The following ACOXL variants were observed in gnomAD, a reference collection of about 807,000 sequenced individuals.
The protein encoded by ACOXL is acyl-CoA oxidase like, also known as acyl-coenzyme A oxidase-like protein.
Under a neutral mutation model 71.9 loss-of-function variants are expected in ACOXL, and 70 were observed. The ratio of observed to expected loss-of-function variants is 0.97; its 90% CI spans 0.80 to 1.19. The LOEUF (loss-of-function observed/expected upper bound fraction) is 1.19, where lower values mean the gene tolerates loss of function less well. ACOXL is among the 50% of genes most tolerant of loss of function. The pLI is 0.00. For missense variants in ACOXL, 703 were observed against 736.3 expected (o/e 0.95, Z 0.52); for synonymous variants, 253 against 281.6 (o/e 0.90, Z 1.02).
chr2:110,935,540 C>T (rs1444022471), intron 12 of ACOXL, among the ~76,000 whole-genome samples: 4 of 152,174 alleles, frequency 2.6e-5, no homozygotes, highest in Admixed American at 2.6e-4. Flanking sequence ...CCGAGGACCA[C>T]CCAGCAGTGC....
intron 2 of ACOXL, among the ~76,000 whole-genome samples, chr2:110,771,858 C>T (rs1397278553): frequency 6.6e-6 from 1 of 152,196 alleles, no homozygotes; most frequent in Non-Finnish European, 1.5e-5. Flanking sequence ...TTTCCAGATG[C>T]AGAGACCTTC....
chr2:111,087,798 G>A (rs944750988), intron 16 of ACOXL, among the ~76,000 whole-genome samples: 12 of 152,262 alleles, frequency 7.9e-5, no homozygotes, highest in Middle Eastern at 3.4e-3. Context: ...TTAACAAATG[G>A]GATCTAATTA....
intron 1 of ACOXL, among the ~76,000 whole-genome samples, chr2:110,743,555 C>T (rs1444341376): frequency 6.6e-6 from 1 of 152,152 alleles, no homozygotes; most frequent in Non-Finnish European, 1.5e-5. Context: ...AGTTCAGAGA[C>T]TCAGGGAGGA....
chr2:111,077,752 T>C (rs2067673712), intron 16 of ACOXL, among the ~76,000 whole-genome samples: 1 of 152,230 alleles, frequency 6.6e-6, no homozygotes, highest in African/African-American at 2.4e-5. Flanking sequence ...TTCTGGTCTC[T>C]ACAGTTTCTG....
chr2:110,857,746 G>C (rs1693438776), intron 10 of ACOXL, among the ~76,000 whole-genome samples: 1 of 151,974 alleles, frequency 6.6e-6, no homozygotes, highest in Non-Finnish European at 1.5e-5. Flanking sequence ...GATTGATTGA[G>C]ACAGGGCCTG....
chr2:110,933,348 ACTAT>A (rs1165455420), intron 11 of ACOXL, 137 bp from the exon 12 acceptor site: 1 of 1,032,402 alleles, frequency 9.7e-7, no homozygotes, highest in Non-Finnish European at 1.4e-6. Flanking sequence ...TTTTTTAGTG[ACTAT>A]CTACAGTTTA....
intron 11 of ACOXL, among the ~76,000 whole-genome samples, chr2:110,916,579 A>T (rs1228975992): frequency 6.6e-6 from 1 of 152,210 alleles, no homozygotes; most frequent in Non-Finnish European, 1.5e-5. Context: ...ACTGAAGGAG[A>T]TACAGACACG....
At chr2:110,884,304 G>A (rs1697039305) in intron 10 of ACOXL, among the ~76,000 whole-genome samples, 1 of 152,202 alleles carries the variant, frequency 6.6e-6, no homozygotes, top group Non-Finnish European at 1.5e-5. Context: ...CTCTGAGTTC[G>A]TACTCCTCGT....
Position 110,992,509 on chromosome 2 carries a change from A to G in ACOXL, c.1170-3384A>G, listed in dbSNP as rs776349979. Among the ~76,000 whole-genome samples, 3 of 152,160 alleles carry G rather than the reference A, an allele frequency of 2.0e-5. No individual in the cohort carries two copies. In the South Asian group the frequency reaches 6.2e-4, roughly 32 times the overall value. Reference sequence around the variant, plus strand: ...CTTGAGCAGGTGGGGACCTGAGGAAAGATGGGCTGAGAACTTCCTGGTACC... The same window carrying G: ...CTTGAGCAGGTGGGGACCTGAGGAAGGATGGGCTGAGAACTTCCTGGTACC... On this transcript the variant is annotated intron_variant, in intron 13 of 17. Coordinates refer to ENST00000439055, the MANE Select transcript of ACOXL (RefSeq NM_001142807.4).
At chr2:110,743,223 A>G (rs1359128418) in intron 1 of ACOXL, among the ~76,000 whole-genome samples, 1 of 152,216 alleles carries the variant, frequency 6.6e-6, no homozygotes, top group South Asian at 2.1e-4. Context: ...TTCCAAACCT[A>G]TCAACTATGT....
chr2:111,005,889 G>T (rs1045364751), intron 14 of ACOXL, among the ~76,000 whole-genome samples: 3 of 152,144 alleles, frequency 2.0e-5, no homozygotes, highest in Non-Finnish European at 2.9e-5. Flanking sequence ...AGTGCTGGTC[G>T]GTTTGTACTG....
chr2:110,748,040 C>T (rs1678450606), intron 1 of ACOXL, among the ~76,000 whole-genome samples: 1 of 152,170 alleles, frequency 6.6e-6, no homozygotes, highest in African/African-American at 2.4e-5. Context: ...TTTTCTTCTG[C>T]AGAAAACAAC....
chr2:111,082,266 A>G (rs1307977489), intron 16 of ACOXL, among the ~76,000 whole-genome samples: 1 of 152,104 alleles, frequency 6.6e-6, no homozygotes, highest in Non-Finnish European at 1.5e-5. Flanking sequence ...TTTGCAACCT[A>G]TCCGTCTGAC....
At chr2:111,031,920 C>T (rs2065291315) in intron 15 of ACOXL, among the ~76,000 whole-genome samples, 1 of 152,214 alleles carries the variant, frequency 6.6e-6, no homozygotes, top group South Asian at 2.1e-4. Flanking sequence ...GACCATATGA[C>T]ACCCACAAAG....
chr2:110,748,857 G>C (rs1027491544), intron 1 of ACOXL, among the ~76,000 whole-genome samples: 8 of 152,172 alleles, frequency 5.3e-5, no homozygotes, highest in Non-Finnish European at 1.0e-4. Flanking sequence ...GTTGGTGTTG[G>C]ACATAAAGCA....
intron 17 of ACOXL, among the ~76,000 whole-genome samples, chr2:111,095,490 C>T (rs936685360): frequency 1.3e-5 from 2 of 149,410 alleles, no homozygotes; most frequent in Non-Finnish European, 3.0e-5. Flanking sequence ...CTCCCGGGCT[C>T]AAGTGATTCC....
rs1357343538 is a variant in ACOXL, at chr2:110,907,696, G to A, written c.789-1093G>A. Among the ~76,000 whole-genome samples the A allele has an allele frequency of 3.3e-5, 5 of 152,282 alleles. No individual in the cohort carries two copies. The East Asian group carries it at 5.8e-4, about 18-fold the overall frequency. On this transcript the variant is annotated intron_variant, in intron 10 of 17. Coordinates refer to ENST00000439055, the MANE Select transcript of ACOXL (RefSeq NM_001142807.4). ...GGTGCTTGCACGCGGCCTTCCTTGT[G>A]TGTGCTTATCATTTGTCCTCACCAC...
intron 16 of ACOXL, among the ~76,000 whole-genome samples, chr2:111,073,474 C>T (rs1482078517): frequency 6.6e-6 from 1 of 152,046 alleles, no homozygotes; most frequent in Non-Finnish European, 1.5e-5. Flanking sequence ...TATCTTTTGA[C>T]TATTGTGATA....
intron 10 of ACOXL, among the ~76,000 whole-genome samples, chr2:110,893,894 A>G (rs1166759421): frequency 1.3e-5 from 2 of 152,172 alleles, no homozygotes; most frequent in Non-Finnish European, 2.9e-5. Context: ...AATTAGTAGT[A>G]CATCTTTGAG....
Sources: gnomAD v4.1 joint callset for allele counts (sites outside exome capture counted in the v4.1 genomes callset) on GRCh38, gnomAD v4.1.1 for gene constraint, MANE v1.5 for transcripts, NCBI Gene and HGNC (gene_info 2026-07-23, HGNC 2026-07-21) for gene names.